Variants in PDE4D observed in about 807,000 individuals in gnomAD.
PDE4D encodes phosphodiesterase 4D, also known as 3',5'-cyclic-AMP phosphodiesterase 4D.
PDE4D carries 24 observed loss-of-function variants against 87.4 expected under a neutral mutation model. The observed-to-expected ratio is 0.27, with a 90% CI of 0.20 to 0.39. The LOEUF is 0.39. Ranked by LOEUF, PDE4D falls within the 10% of genes least tolerant of loss-of-function variation. PDE4D has a pLI of 1.00. For missense variants in PDE4D, 714 were observed against 1,041.0 expected (o/e 0.69, Z 4.32); for synonymous variants, 384 against 383.2 (o/e 1.00, Z -0.02).
intron 1 of PDE4D, among the ~76,000 whole-genome samples, chr5:59,881,534 A>C (rs890449143): frequency 2.0e-5 from 3 of 152,168 alleles, no homozygotes; most frequent in Non-Finnish European, 4.4e-5. Context: ...GTTATTTTTT[A>C]ACTCTTTAAT....
intron 1 of PDE4D, among the ~76,000 whole-genome samples, chr5:59,723,352 G>A (rs903229797): frequency 6.6e-5 from 10 of 152,076 alleles, no homozygotes; most frequent in African/African-American, 2.4e-4. Context: ...ATAAGAAAAG[G>A]AGAGTAAATA....
intron 1 of PDE4D, among the ~76,000 whole-genome samples, chr5:59,687,378 C>T (rs1213667543): frequency 1.3e-5 from 2 of 152,098 alleles, no homozygotes; most frequent in Non-Finnish European, 2.9e-5. Context: ...ACAGCTGATC[C>T]CTCGGCAGAA....
intron 1 of PDE4D, among the ~76,000 whole-genome samples, chr5:60,305,066 C>CACACACACA (rs1562306341): frequency 6.7e-6 from 1 of 150,118 alleles, no homozygotes; most frequent in South Asian, 2.1e-4. Context: ...CACACACACA[C>CACACACACA]ACACAACACA....
At chr5:59,941,248 A>G (rs1271007452) in intron 3 of PDE4D, among the ~76,000 whole-genome samples, 1 of 152,046 alleles carries the variant, frequency 6.6e-6, no homozygotes, top group Non-Finnish European at 1.5e-5. Context: ...TGTTCGTGTG[A>G]TTGTCCTTCA....
chr5:59,420,474 T>C (rs1040412463), intron 1 of PDE4D, among the ~76,000 whole-genome samples: 1 of 152,146 alleles, frequency 6.6e-6, no homozygotes, highest in Non-Finnish European at 1.5e-5. Flanking sequence ...CATATGGGAT[T>C]CCCAGCATCT....
At chr5:58,998,963 G>T (rs1749840225) in intron 6 of PDE4D, among the ~76,000 whole-genome samples, 1 of 142,260 alleles carries the variant, frequency 7.0e-6, no homozygotes. Flanking sequence ...GTTCAGTTTT[G>T]CAAGTATAAT....
At chr5:60,349,879 G>T (rs867659320) in intron 1 of PDE4D, among the ~76,000 whole-genome samples, 2 of 152,094 alleles carry the variant, frequency 1.3e-5, no homozygotes, top group Non-Finnish European at 2.9e-5. Flanking sequence ...GAGGAGAGTG[G>T]ATTGGGAAGC....
At chr5:58,982,829 T>C (rs1267436940) in intron 11 of PDE4D, among the ~76,000 whole-genome samples, 1 of 152,314 alleles carries the variant, frequency 6.6e-6, no homozygotes. Context: ...GGGAACCAAG[T>C]TGACTAGTAT....
intron 1 of PDE4D, among the ~76,000 whole-genome samples, chr5:60,233,547 T>G (rs912938186): frequency 6.6e-6 from 1 of 151,730 alleles, no homozygotes; most frequent in Non-Finnish European, 1.5e-5. Context: ...TGCCATCTAC[T>G]GTAACTAACA....
chr5:59,010,312 G>C (rs1752519502), intron 6 of PDE4D, among the ~76,000 whole-genome samples: 1 of 152,088 alleles, frequency 6.6e-6, no homozygotes. Flanking sequence ...GGGTGACAGA[G>C]ATTCTGTCTC....
intron 2 of PDE4D, among the ~76,000 whole-genome samples, chr5:59,993,875 T>C (rs1175981364): frequency 4.6e-5 from 7 of 152,068 alleles, no homozygotes; most frequent in Non-Finnish European, 7.4e-5. Context: ...TGCTACCTTG[T>C]AGTAAAATAA....
chr5:60,486,069 T>C (rs1749113008), intron 1 of PDE4D, among the ~76,000 whole-genome samples: 1 of 152,200 alleles, frequency 6.6e-6, no homozygotes, highest in African/African-American at 2.4e-5. Flanking sequence ...GAGATGTGAA[T>C]ACTACACCAA....
intron 1 of PDE4D, among the ~76,000 whole-genome samples, chr5:59,639,473 A>T (rs1003916880): frequency 6.6e-6 from 1 of 152,186 alleles, no homozygotes; most frequent in African/African-American, 2.4e-5. Context: ...AGAAGTGCAG[A>T]TGAGGGAGAG....
At chr5:60,055,420 A>G (rs888974849) in intron 2 of PDE4D, among the ~76,000 whole-genome samples, 2 of 152,104 alleles carry the variant, frequency 1.3e-5, no homozygotes, top group Non-Finnish European at 2.9e-5. Flanking sequence ...GCCCAAGATA[A>G]GTAAGTTATA....
intron 2 of PDE4D, among the ~76,000 whole-genome samples, chr5:60,121,065 C>A (rs1778632153): frequency 6.6e-6 from 1 of 152,046 alleles, no homozygotes; most frequent in African/African-American, 2.4e-5. Flanking sequence ...GCTTCCTGCC[C>A]TTGAAAATTG....
chr5:59,552,834 A>C (rs294480), intron 1 of PDE4D, among the ~76,000 whole-genome samples: 6,093 of 152,222 alleles, frequency 0.04, 168 homozygotes, highest in East Asian at 0.1. Context: ...TCAATTTACC[A>C]AGTTGTATTT....
chr5:59,737,847 A>G lies in PDE4D; in HGVS notation c.455+155321T>C, dbSNP rs73758875. 7.8e-3 allele frequency among the ~76,000 whole-genome samples: 1,187 copies of G among 152,256 alleles called. 8 individuals carry two copies. The highest frequency in any genetic ancestry group is 0.028 in the African/African-American group (1,143 of 41,562). On this transcript the variant is annotated intron_variant, in intron 1 of 14. Transcript: ENST00000340635. ...AGTTATGCACATTCACATACATACTATATATAATCAACATAACATATAGAA... is the reference window on the plus strand; with the variant it reads ...AGTTATGCACATTCACATACATACTGTATATAATCAACATAACATATAGAA...
At chr5:59,768,118 A>G (rs1763027366) in intron 1 of PDE4D, 2 of 1,135,266 alleles carry the variant, frequency 1.8e-6, no homozygotes, top group African/African-American at 3.1e-5. Flanking sequence ...AAGGGAGATC[A>G]CTTGGCCATA....
intron 1 of PDE4D, among the ~76,000 whole-genome samples, chr5:59,396,001 A>G (rs1297429574): frequency 1.7e-5 from 2 of 120,552 alleles, no homozygotes; most frequent in East Asian, 2.6e-4. Flanking sequence ...GATGAAATGA[A>G]TGAAATGAAG....
Sources: allele counts gnomAD v4.1 joint callset (sites outside exome capture counted in the v4.1 genomes callset), GRCh38; gene constraint gnomAD v4.1.1; transcripts MANE v1.5; gene names NCBI Gene and HGNC (gene_info 2026-07-23, HGNC 2026-07-21).